ATG7: variants seen among roughly 807,000 people sequenced by gnomAD.
ATG7 encodes the protein ubiquitin-like modifier-activating enzyme ATG7.
In ATG7, 70 loss-of-function variants were observed where a neutral mutation model predicts 82.4. The observed-to-expected ratio is 0.85, with a 90% CI of 0.70 to 1.04. ATG7 has a LOEUF of 1.04. Ranked by LOEUF, ATG7 falls within the 50% of genes least tolerant of loss-of-function variation. The pLI, the probability that ATG7 is intolerant of heterozygous loss-of-function variation, is 0.00. For missense variants in ATG7, 792 were observed against 864.3 expected (o/e 0.92, Z 1.05); for synonymous variants, 287 against 313.0 (o/e 0.92, Z 0.88).
At chr3:11,488,517 G>C (rs868324382) in intron 20 of ATG7, 18 of 1,200,858 alleles carry the variant, frequency 1.5e-5, no homozygotes. Context: ...CGACTGTCCC[G>C]GCTCCGCACT....
intron 19 of ATG7, among the ~76,000 whole-genome samples, chr3:11,417,370 C>A (rs949358361): frequency 4.6e-5 from 7 of 152,270 alleles, no homozygotes; most frequent in African/African-American, 1.7e-4. Context: ...TAAGTACATA[C>A]GCATTAAGAA....
At chr3:11,290,430 A>G (rs1463568896) in intron 3 of ATG7, 5 of 237,592 alleles carry the variant, frequency 2.1e-5, no homozygotes, top group Non-Finnish European at 3.4e-5. Context: ...GTCTTGAGGA[A>G]CTCTGTATTT....
downstream of ATG7, among the ~76,000 whole-genome samples, chr3:11,559,753 A>C (rs1314550705): frequency 6.6e-6 from 1 of 152,136 alleles, no homozygotes; most frequent in Non-Finnish European, 1.5e-5. Context: ...GTTAAGACAA[A>C]CACCGGGCAT....
chr3:11,506,755 G>A (rs1053191402), intron 20 of ATG7, among the ~76,000 whole-genome samples: 10 of 151,734 alleles, frequency 6.6e-5, no homozygotes, highest in Middle Eastern at 6.8e-3. Context: ...ACAAAACAAA[G>A]CAAAAAAATG....
At chr3:11,465,249 A>T (rs1361533824) in intron 20 of ATG7, among the ~76,000 whole-genome samples, 2 of 151,666 alleles carry the variant, frequency 1.3e-5, no homozygotes, top group Admixed American at 6.6e-5. Context: ...GATCGAGACC[A>T]TCCTGGCTAA....
chr3:11,517,538 T>C (rs2092319028), intron 20 of ATG7, among the ~76,000 whole-genome samples: 1 of 152,164 alleles, frequency 6.6e-6, no homozygotes, highest in Non-Finnish European at 1.5e-5. Flanking sequence ...CACAGAGGCC[T>C]GCTGAGATGG....
At chr3:11,480,470 G>GA (rs915968430) in intron 20 of ATG7, among the ~76,000 whole-genome samples, 2 of 152,118 alleles carry the variant, frequency 1.3e-5, no homozygotes, top group African/African-American at 4.8e-5. Flanking sequence ...GCATTATTGG[G>GA]AGGGGGTGCG....
At chr3:11,361,771 G>A (rs1414082899) in intron 16 of ATG7, among the ~76,000 whole-genome samples, 1 of 152,284 alleles carries the variant, frequency 6.6e-6, no homozygotes, top group African/African-American at 2.4e-5. Flanking sequence ...ACAGTGCTTT[G>A]AACAGCAAGA....
chr3:11,538,597 C>A (rs2070525526), intron 20 of ATG7, among the ~76,000 whole-genome samples: 1 of 147,198 alleles, frequency 6.8e-6, no homozygotes, highest in Non-Finnish European at 1.5e-5. Context: ...AATCCCAGCA[C>A]TTTGGGAGGC....
intron 20 of ATG7, chr3:11,488,439 G>A (rs371069072): frequency 0.034 from 42,385 of 1,249,312 alleles, 793 homozygotes; most frequent in Middle Eastern, 0.061. Context: ...GGGCAGCGGC[G>A]GCTGCGGTCG....
intron 18 of ATG7, among the ~76,000 whole-genome samples, chr3:11,375,572 G>T (rs1159374257): frequency 6.6e-6 from 1 of 151,852 alleles, no homozygotes; most frequent in African/African-American, 2.4e-5. Context: ...TTTTCCCCTT[G>T]CCCCCAAGAT....
At chr3:11,412,632 C>T (rs1397660668) in intron 19 of ATG7, among the ~76,000 whole-genome samples, 1 of 152,142 alleles carries the variant, frequency 6.6e-6, no homozygotes, top group Non-Finnish European at 1.5e-5. Flanking sequence ...TCCAGCTTTG[C>T]TCCTCTTCTT....
At chr3:11,449,861 G>C (rs1338310156) in intron 20 of ATG7, among the ~76,000 whole-genome samples, 4 of 152,194 alleles carry the variant, frequency 2.6e-5, no homozygotes, top group African/African-American at 9.6e-5. Context: ...ATTAACTGCT[G>C]AGAACACGTT....
chr3:11,563,250 T>C, the ATG7 span, among the ~76,000 whole-genome samples: 1 of 152,160 alleles, frequency 6.6e-6, no homozygotes. Context: ...CTCCCCTCCA[T>C]ACCCGTGTCC....
chr3:11,571,051 C>G, the ATG7 span, among the ~76,000 whole-genome samples: 1 of 152,128 alleles, frequency 6.6e-6, no homozygotes, highest in Admixed American at 6.5e-5. Context: ...GCCGAGGTGG[C>G]GGAGGCTGAG....
At chr3:11,568,992 C>T in the ATG7 span, 1 of 1,105,096 alleles carries the variant, frequency 9.0e-7, no homozygotes, top group Non-Finnish European at 1.1e-6. This position sits in a 1 kb window ranked among gnomAD's most constrained non-coding sequence, Gnocchi z 5.9. Context: ...CCTACAACAC[C>T]ATCATCCAGG....
At chr3:11,406,317 T>G (rs988976916) in intron 19 of ATG7, among the ~76,000 whole-genome samples, 3 of 152,116 alleles carry the variant, frequency 2.0e-5, no homozygotes, top group African/African-American at 4.8e-5. Context: ...TTGCCATGTT[T>G]TTTTGAGACA....
intron 20 of ATG7, among the ~76,000 whole-genome samples, chr3:11,458,159 T>C (rs191303811): frequency 1.3e-5 from 2 of 152,290 alleles, no homozygotes; most frequent in African/African-American, 2.4e-5. Context: ...CAAATTTAAA[T>C]TGGCTACTCA....
chr3:11,478,995 C>CACAA (rs369214414), intron 20 of ATG7, among the ~76,000 whole-genome samples: 31,914 of 127,124 alleles, frequency 0.25, 3,972 homozygotes, highest in South Asian at 0.35. Flanking sequence ...TTACAACACA[C>CACAA]ACACACACAC....
Sources: gnomAD v4.1 joint callset for allele counts (sites outside exome capture counted in the v4.1 genomes callset) on GRCh38, gnomAD v4.1.1 for gene constraint, Gnocchi (gnomAD v3.1) non-coding constraint, MANE v1.5 for transcripts, NCBI Gene and HGNC (gene_info 2026-07-23, HGNC 2026-07-21) for gene names.